The following CADPS variants were observed in gnomAD, a reference collection of about 807,000 sequenced individuals.
The protein encoded by CADPS is calcium-dependent secretion activator 1.
A neutral mutation model predicts 167.3 loss-of-function variants in CADPS; 57 were observed. That is an observed-to-expected ratio of 0.34 (90% CI 0.28 to 0.42). The LOEUF is 0.42. CADPS is among the 20% of genes least tolerant of loss of function. CADPS has a pLI of 1.00. For missense variants in CADPS, 1,414 were observed against 1,738.1 expected (o/e 0.81, Z 3.32); for synonymous variants, 676 against 635.3 (o/e 1.06, Z -0.96).
chr3:62,424,514 T>C (rs1311924305), intron 28 of CADPS, among the ~76,000 whole-genome samples: 1 of 152,180 alleles, frequency 6.6e-6, no homozygotes, highest in Non-Finnish European at 1.5e-5. Flanking sequence ...TCTTTGAGAC[T>C]GGATAGTGAC....
At chr3:62,565,200 C>T (rs2079926032) in intron 9 of CADPS, among the ~76,000 whole-genome samples, 1 of 152,166 alleles carries the variant, frequency 6.6e-6, no homozygotes, top group Non-Finnish European at 1.5e-5. Flanking sequence ...ACTCAGGGTG[C>T]TGAAGGCCCA....
At chr3:62,595,879 G>A (rs954750106) in intron 6 of CADPS, among the ~76,000 whole-genome samples, 43 of 152,160 alleles carry the variant, frequency 2.8e-4, no homozygotes, top group African/African-American at 1.2e-4. Context: ...GCAGAAAAAC[G>A]TGAAGAGGAG....
intron 1 of CADPS, among the ~76,000 whole-genome samples, chr3:62,839,399 AG>A (rs1056949364): frequency 6.6e-6 from 1 of 152,084 alleles, no homozygotes; most frequent in Non-Finnish European, 1.5e-5. Flanking sequence ...CCATTTGGCC[AG>A]GCTGGTCTTG....
chr3:62,454,858 TATC>T (rs1166886834), intron 26 of CADPS, among the ~76,000 whole-genome samples: 1 of 152,150 alleles, frequency 6.6e-6, no homozygotes, highest in Admixed American at 6.5e-5. Context: ...ATTAAACTAT[TATC>T]ATAGTAATGA....
At chr3:62,624,070 A>G (rs2063607308) in intron 6 of CADPS, among the ~76,000 whole-genome samples, 1 of 152,116 alleles carries the variant, frequency 6.6e-6, no homozygotes, top group African/African-American at 2.4e-5. Flanking sequence ...TAAAGTCCAG[A>G]GATGCTGCTA....
At chr3:62,610,296 G>A (rs1056616284) in intron 6 of CADPS, among the ~76,000 whole-genome samples, 2 of 149,922 alleles carry the variant, frequency 1.3e-5, no homozygotes, top group African/African-American at 4.9e-5. Context: ...TGTCACCCCA[G>A]CTGGAGTACA....
intron 1 of CADPS, among the ~76,000 whole-genome samples, chr3:62,841,184 A>C (rs1006088419): frequency 6.6e-6 from 1 of 152,226 alleles, no homozygotes; most frequent in Non-Finnish European, 1.5e-5. Flanking sequence ...GACACCAACC[A>C]GAGCTAGAAA....
intron 1 of CADPS, chr3:62,796,533 T>A (rs974990227): frequency 1.3e-5 from 2 of 152,182 alleles, no homozygotes; most frequent in African/African-American, 4.8e-5. Context: ...GTGAAGGAGT[T>A]ACATAAGAAG....
chr3:62,505,061 G>T (rs1300834669), intron 17 of CADPS, among the ~76,000 whole-genome samples: 1 of 152,178 alleles, frequency 6.6e-6, no homozygotes, highest in African/African-American at 2.4e-5. Context: ...GTAGCAATTT[G>T]CTATGATCTG....
intron 1 of CADPS, among the ~76,000 whole-genome samples, chr3:62,820,104 T>C (rs1285645880): frequency 1.3e-5 from 2 of 151,922 alleles, no homozygotes; most frequent in Non-Finnish European, 2.9e-5. Flanking sequence ...GCAATGCAAA[T>C]GGGAGCAGTG....
At chr3:62,600,853 C>T (rs1396710078) in intron 6 of CADPS, among the ~76,000 whole-genome samples, 1 of 152,134 alleles carries the variant, frequency 6.6e-6, no homozygotes, top group Non-Finnish European at 1.5e-5. Context: ...GAATAGTGGT[C>T]TGCACCTGTA....
At chr3:62,445,648 T>A in intron 27 of CADPS, 117 bp downstream of exon 27, 1 of 642,516 alleles carries the variant, frequency 1.6e-6, no homozygotes, top group Non-Finnish European at 2.5e-6. Context: ...AACACACAGT[T>A]TAGCTAGCAG....
At chr3:62,596,773 C>T (rs982109756) in intron 6 of CADPS, among the ~76,000 whole-genome samples, 5 of 152,102 alleles carry the variant, frequency 3.3e-5, no homozygotes, top group Non-Finnish European at 7.3e-5. Context: ...AAGTAACTGA[C>T]CCTGTGTAAA....
At chr3:62,567,877 C>T (rs2080563967) in intron 9 of CADPS, among the ~76,000 whole-genome samples, 1 of 152,122 alleles carries the variant, frequency 6.6e-6, no homozygotes, top group Non-Finnish European at 1.5e-5. Flanking sequence ...TCCTGGACAG[C>T]ACTGCCTCTT....
chr3:62,442,258 C>CTGGA (rs1220934475), intron 27 of CADPS, among the ~76,000 whole-genome samples: 1 of 148,968 alleles, frequency 6.7e-6, no homozygotes, highest in Non-Finnish European at 1.5e-5. Flanking sequence ...GTTGCCCAGG[C>CTGGA]TGGAGTACAA....
chr3:62,716,068 C>CT (rs144150851), intron 3 of CADPS, among the ~76,000 whole-genome samples: 118 of 151,010 alleles, frequency 7.8e-4, no homozygotes, highest in African/African-American at 2.8e-3. Context: ...TTAAAAAACA[C>CT]TTTTTTTTTG....
intron 3 of CADPS, among the ~76,000 whole-genome samples, chr3:62,667,775 C>T (rs12634326): frequency 3.3e-5 from 5 of 151,806 alleles, no homozygotes; most frequent in African/African-American, 4.8e-5. Flanking sequence ...ATTTTTCTCA[C>T]GTCTGCAGAC....
chr3:62,418,487 A>ATTTTTTTTTTTTTT (rs5849477), intron 28 of CADPS, among the ~76,000 whole-genome samples: 29 of 88,848 alleles, frequency 3.3e-4, no homozygotes, highest in Middle Eastern at 7.8e-3. Flanking sequence ...ACCATGCCCT[A>ATTTTTTTTTTTTTT]TTTTTTTTTT....
rs192928965 is a variant in CADPS, at chr3:62,652,846, A to T, written c.970-1766T>A. Among the ~76,000 whole-genome samples the T allele has an allele frequency of 2.4e-3, 370 of 152,154 alleles. 1 individual carries two copies. The highest frequency in any genetic ancestry group is 7.8e-3 in the African/African-American group (324 of 41,504). On this transcript the variant is annotated intron_variant, in intron 4 of 29. Coordinates refer to ENST00000383710, the MANE Select transcript of CADPS (RefSeq NM_003716.4). ...CTGTAATTTTGTTCCTTAAGAATTT[A>T]TTTTTCTTTCAGTAATTCCCCCACC...
Sources: allele counts gnomAD v4.1 joint callset (sites outside exome capture counted in the v4.1 genomes callset), GRCh38; gene constraint gnomAD v4.1.1; transcripts MANE v1.5; gene names NCBI Gene and HGNC (gene_info 2026-07-23, HGNC 2026-07-21).